The following STAT4 variants were observed in gnomAD, a reference collection of about 807,000 sequenced individuals.
STAT4 encodes the protein signal transducer and activator of transcription 4.
STAT4 carries 42 observed loss-of-function variants against 110.5 expected under a neutral mutation model. The observed-to-expected ratio is 0.38, with a 90% CI of 0.30 to 0.49. The LOEUF (loss-of-function observed/expected upper bound fraction) is 0.49, where lower values mean the gene tolerates loss of function less well. STAT4 is among the 20% of genes least tolerant of loss of function. The probability of loss-of-function intolerance (pLI) is 0.95; values close to 1 mark genes in which losing one functional copy is unlikely to be tolerated. For synonymous variants in STAT4, 284 were observed against 302.2 expected (o/e 0.94, Z 0.63); for missense variants, 632 against 887.9 (o/e 0.71, Z 3.66).
chr2:191,127,519 T>G (rs1698914018), intron 3 of STAT4, among the ~76,000 whole-genome samples: 1 of 152,218 alleles, frequency 6.6e-6, no homozygotes, highest in Non-Finnish European at 1.5e-5. Flanking sequence ...TTTCACTTTG[T>G]CTCCATTCTA....
rs1695932591 is a variant in STAT4, at chr2:191,032,695, A to C, written c.2044+263T>G. On this transcript the variant is annotated intron_variant, in intron 21 of 23. Transcript: ENST00000392320. This position sits in a 1 kb window ranked among gnomAD's most constrained non-coding sequence, Gnocchi z 4.9. ...ACAAAGGAGAAAACTGAAGCTCTCC[A>C]AGTGGCTATGAGAGGCCCCCATGGC... Among the ~76,000 whole-genome samples the C allele has an allele frequency of 6.6e-6, 1 of 152,190 alleles. No homozygotes were observed. The highest frequency in any genetic ancestry group is 1.5e-5 in the Non-Finnish European group (1 of 68,020).
intron 17 of STAT4, 79 bp downstream of exon 17, chr2:191,036,085 G>A (rs1696035789): frequency 6.7e-7 from 1 of 1,485,148 alleles, no homozygotes; most frequent in African/African-American, 1.4e-5. Flanking sequence ...ATTATTAGTA[G>A]TAGTAATAGC....
At chr2:191,115,571 GC>G (rs1404322495) in intron 3 of STAT4, among the ~76,000 whole-genome samples, 1 of 152,114 alleles carries the variant, frequency 6.6e-6, no homozygotes. Context: ...TGGTCTTGAT[GC>G]TATCTTATCA....
Position 191,113,401 on chromosome 2 carries a change from T to C in STAT4, c.273+33212A>G, listed in dbSNP as rs1391232600. On this transcript the variant is annotated intron_variant, in intron 3 of 23. Transcript: ENST00000392320. The surrounding 1 kb of genome is among the most constrained non-coding windows in gnomAD (Gnocchi z 4.8). ...CTCCAACAGGGTTATAGTTCAGAGC[T>C]TGGGACACAGGAGAAAGCACTTTTT... Among the ~76,000 whole-genome samples the C allele has an allele frequency of 6.6e-6, 1 of 152,262 alleles. No homozygotes were observed. The highest frequency in any genetic ancestry group is 1.5e-5 in the Non-Finnish European group (1 of 68,046).
chr2:191,148,868 G>A (rs560581687), intron 1 of STAT4, among the ~76,000 whole-genome samples: 1 of 152,138 alleles, frequency 6.6e-6, no homozygotes, highest in African/African-American at 2.4e-5. Context: ...ATTATAGATG[G>A]GCAAAGCTCT....
chr2:191,131,734 T>C (rs1699042067), intron 3 of STAT4: 3 of 1,241,862 alleles, frequency 2.4e-6, no homozygotes, highest in Non-Finnish European at 3.1e-6. Flanking sequence ...TGTTTTGTAT[T>C]AGAAGGAATA....
chr2:191,048,361 C>T (rs950237972), intron 14 of STAT4, among the ~76,000 whole-genome samples: 1 of 152,198 alleles, frequency 6.6e-6, no homozygotes, highest in African/African-American at 2.4e-5. Flanking sequence ...TATTAATTTT[C>T]ACAGCTTGCA....
intron 3 of STAT4, among the ~76,000 whole-genome samples, chr2:191,127,337 T>C (rs1346447875): frequency 6.6e-6 from 1 of 152,224 alleles, no homozygotes; most frequent in Non-Finnish European, 1.5e-5. Context: ...AGATAGGAAA[T>C]CTCATGTTGT....
chr2:191,063,467 T>A (rs1696903355), intron 8 of STAT4, among the ~76,000 whole-genome samples: 1 of 152,206 alleles, frequency 6.6e-6, no homozygotes, highest in Non-Finnish European at 1.5e-5. Flanking sequence ...TTGCCTCTGA[T>A]AACTGCTTGG....
intron 17 of STAT4, 52 bp from the exon 18 acceptor site, chr2:191,034,649 A>G (rs1574694232): frequency 7.5e-7 from 1 of 1,326,724 alleles, no homozygotes; most frequent in East Asian, 2.3e-5. Context: ...AGATGCTTCA[A>G]TTTTGTGCTC....
intron 17 of STAT4, among the ~76,000 whole-genome samples, chr2:191,034,925 A>T: frequency 6.6e-6 from 1 of 152,222 alleles, no homozygotes; most frequent in East Asian, 1.9e-4. Context: ...ATATAGGACG[A>T]AGCATGATGG....
At chr2:191,078,626 G>A (rs1697378560) in intron 3 of STAT4, among the ~76,000 whole-genome samples, 1 of 152,078 alleles carries the variant, frequency 6.6e-6, no homozygotes. Flanking sequence ...TACTAAGTAC[G>A]TGAACCTCAA....
Position 191,033,245 on chromosome 2 carries a change from G to T in STAT4, c.1853-96C>A. On this transcript the variant is annotated intron_variant, in intron 20 of 23. Transcript: ENST00000392320. The surrounding 1 kb of genome is among the most constrained non-coding windows in gnomAD (Gnocchi z 6.9). ...CACATTATCTTCATGCCACTGGAGT[G>T]ACTTGTCAGTTCATGTCACTTCAAT... 3 of 1,323,542 alleles carry T rather than the reference G, an allele frequency of 2.3e-6. No homozygotes were observed. The highest frequency in any genetic ancestry group is 2.1e-6 in the Non-Finnish European group (2 of 962,826). The allele number at this position is 1,323,542 out of a possible 1,614,324, so 82.0% of individuals were successfully genotyped here.
At chr2:191,128,256 C>T (rs995440546) in intron 3 of STAT4, among the ~76,000 whole-genome samples, 1 of 152,146 alleles carries the variant, frequency 6.6e-6, no homozygotes, top group African/African-American at 2.4e-5. Flanking sequence ...GAATATTGAT[C>T]CCTCAATTGA....
intron 3 of STAT4, among the ~76,000 whole-genome samples, chr2:191,137,949 C>G (rs377100874): frequency 6.6e-6 from 1 of 152,016 alleles, no homozygotes; most frequent in Admixed American, 6.5e-5. Flanking sequence ...TTGGTCTAGG[C>G]AAAGATTTTA....
At chr2:191,125,476 T>TTTATTAGTATTATTA (rs1698853559) in intron 3 of STAT4, among the ~76,000 whole-genome samples, 1 of 138,002 alleles carries the variant, frequency 7.2e-6, no homozygotes, top group South Asian at 2.5e-4. Context: ...ATCCTCATTA[T>TTTATTAGTATTATTA]TTATTATTAT....
intron 3 of STAT4, among the ~76,000 whole-genome samples, chr2:191,130,979 T>A (rs889304442): frequency 3.3e-5 from 5 of 151,322 alleles, no homozygotes; most frequent in Non-Finnish European, 5.9e-5. Context: ...AGTATCTGAG[T>A]AAAGTTAGAA....
At position 191,075,163 on chromosome 2, in the gene STAT4, A is replaced by G. The variant is rs1416387350; in HGVS notation, c.372+1064T>C. Among the ~76,000 whole-genome samples the G allele has an allele frequency of 7.3e-5, 11 of 149,754 alleles. No individual in the cohort carries two copies. The Admixed American group carries it at 7.5e-4, about 10-fold the overall frequency. ...TGACAGAGCAAGACTCTGTCTCAAA[A>G]ACAAAACAAAAAAAAAACTTTTGTT... is the stretch of plus-strand genomic sequence containing the variant. On this transcript the variant is annotated intron_variant, in intron 4 of 23. Transcript: ENST00000392320.
rs771554382 is a variant in STAT4, at chr2:191,142,167, A to ATTT, written c.273+4445_273+4446insAAA. Among the ~76,000 whole-genome samples, 1 of 152,160 alleles carries ATTT rather than the reference A, an allele frequency of 6.6e-6. No homozygotes were observed. Among genetic ancestry groups the ATTT allele is most frequent in the Non-Finnish European group, 1.5e-5 (1 of 68,040 alleles). ...TCACAATAACAAAGATTTGGAATCA[A>ATTT]CCTAAGTGTCCATTGATGGAAGAAT... On this transcript the variant is annotated intron_variant, in intron 3 of 23. Coordinates refer to ENST00000392320, the MANE Select transcript of STAT4 (RefSeq NM_003151.4). The surrounding 1 kb of genome is among the most constrained non-coding windows in gnomAD (Gnocchi z 4.1).
Sources: allele counts gnomAD v4.1 joint callset (sites outside exome capture counted in the v4.1 genomes callset), GRCh38; gene constraint gnomAD v4.1.1; non-coding constraint Gnocchi (gnomAD v3.1); transcripts MANE v1.5; gene names NCBI Gene and HGNC (gene_info 2026-07-23, HGNC 2026-07-21).